Variants in ANTXR2 observed in about 807,000 individuals in gnomAD.
ANTXR2 encodes the protein ANTXR cell adhesion molecule 2.
Under a neutral mutation model 73.7 loss-of-function variants are expected in ANTXR2, and 44 were observed. The ratio of observed to expected loss-of-function variants is 0.60; its 90% confidence interval spans 0.47 to 0.77. The LOEUF is 0.77. Ranked by LOEUF, ANTXR2 falls within the 30% of genes least tolerant of loss-of-function variation. ANTXR2 has a pLI of 0.00. For missense variants in ANTXR2, 604 were observed against 592.5 expected (o/e 1.02, Z -0.20); for synonymous variants, 217 against 205.9 (o/e 1.05, Z -0.46).
intron 16 of ANTXR2, among the ~76,000 whole-genome samples, chr4:79,931,030 T>C (rs1322307638): frequency 6.6e-6 from 1 of 152,228 alleles, no homozygotes; most frequent in Non-Finnish European, 1.5e-5. Context: ...TTTTCCTAAA[T>C]AGAATTGTAA....
intron 16 of ANTXR2, among the ~76,000 whole-genome samples, chr4:79,935,996 A>G (rs1490648814): frequency 5.3e-5 from 8 of 152,210 alleles, no homozygotes; most frequent in Non-Finnish European, 1.2e-4. Flanking sequence ...GCCTGTTCCA[A>G]CAAAAGAGCA....
intron 16 of ANTXR2, among the ~76,000 whole-genome samples, chr4:79,920,314 C>T (rs1727545339): frequency 1.3e-5 from 2 of 152,052 alleles, no homozygotes; most frequent in African/African-American, 2.4e-5. Flanking sequence ...AGACGAATGG[C>T]TTCTTGTCAA....
chr4:79,947,526 G>A (rs760370618), intron 16 of ANTXR2, among the ~76,000 whole-genome samples: 5 of 152,120 alleles, frequency 3.3e-5, no homozygotes, highest in Middle Eastern at 3.2e-3. Context: ...ACCCTTTACT[G>A]TGGGTGATGT....
intron 12 of ANTXR2, among the ~76,000 whole-genome samples, chr4:79,989,368 T>C (rs1730355684): frequency 1.3e-5 from 2 of 151,870 alleles, no homozygotes; most frequent in African/African-American, 4.8e-5. Context: ...CCTTTATGCA[T>C]ACAAACTAAA....
At chr4:80,020,559 TAG>T in intron 10 of ANTXR2, among the ~76,000 whole-genome samples, 1 of 152,328 alleles carries the variant, frequency 6.6e-6, no homozygotes. Context: ...AAGTAAATAG[TAG>T]TTTCACAGTT....
rs143428951 is a variant in ANTXR2 at position 79,978,035 on chromosome 4, G to A, written c.1319C>T (p.Pro440Leu). The A allele has an allele frequency of 6.2e-7, 1 of 1,604,826 alleles. No individual in the cohort carries two copies. The highest frequency in any genetic ancestry group is 8.5e-7 in the Non-Finnish European group (1 of 1,177,076). The change falls in exon 15 of 17, where the codon CCT becomes CTT. Residue 440 changes from proline to leucine, a missense_variant. Physicochemically the swap from Pro to Leu is moderately conservative, Grantham distance 98 (BLOSUM62 -3). Coordinates refer to ENST00000403729, the MANE Select transcript of ANTXR2 (RefSeq NM_058172.6). Reference sequence around the variant, plus strand: ...AATTGGGGTGTACCATTTTGTCTGAGGAGGCTGGTGTGTGGGTTTGGGTCG... The same window carrying A: ...AATTGGGGTGTACCATTTTGTCTGAAGAGGCTGGTGTGTGGGTTTGGGTCG... Reference protein sequence around the residue: ...PPRPKPTHQPPQTKWYTPIKG... With the variant: ...PPRPKPTHQPLQTKWYTPIKG...
At chr4:79,960,058 TACTA>T (rs1297896145) in intron 16 of ANTXR2, among the ~76,000 whole-genome samples, 1 of 152,194 alleles carries the variant, frequency 6.6e-6, no homozygotes, top group Admixed American at 6.5e-5. Flanking sequence ...TTTACAGACT[TACTA>T]ACTCTTTTAG....
chr4:80,025,737 T>C (rs1241961478), intron 10 of ANTXR2, among the ~76,000 whole-genome samples: 1 of 152,216 alleles, frequency 6.6e-6, no homozygotes, highest in Non-Finnish European at 1.5e-5. Flanking sequence ...AATTAGTTTA[T>C]ATGTAAATTA....
chr4:79,993,118 T>C (rs965939860), intron 12 of ANTXR2, among the ~76,000 whole-genome samples: 5 of 152,040 alleles, frequency 3.3e-5, no homozygotes, highest in Non-Finnish European at 7.4e-5. Flanking sequence ...GAACAGGTGT[T>C]ATGTCTGCTT....
At chr4:80,039,114 A>C (rs1477710064) in intron 7 of ANTXR2, among the ~76,000 whole-genome samples, 1 of 152,114 alleles carries the variant, frequency 6.6e-6, no homozygotes, top group Non-Finnish European at 1.5e-5. Flanking sequence ...GGATAAAGTT[A>C]ATTTATGTGA....
intron 16 of ANTXR2, among the ~76,000 whole-genome samples, chr4:79,944,472 C>T: frequency 6.9e-6 from 1 of 144,618 alleles, no homozygotes; most frequent in South Asian, 2.3e-4. Context: ...TATTCTGGCA[C>T]CACACCAAAA....
Position 79,977,693 on chromosome 4 carries a change from A to G in ANTXR2, c.1356T>C (p.Leu452=). The change falls in exon 16 of 17, where the codon CTT becomes CTC. Residue 452 remains leucine, a synonymous_variant. Coordinates refer to ENST00000403729, the MANE Select transcript of ANTXR2 (RefSeq NM_058172.6). Reference sequence around the variant, plus strand: ...GCCTCAACAAAGCCCAGAGAGCATCAAGACGACCCTAAGGGAAAATGAGAT... The same window carrying G: ...GCCTCAACAAAGCCCAGAGAGCATCGAGACGACCCTAAGGGAAAATGAGAT... ...TKWYTPIKGR[L]DALWALLRRQ... is the part of the protein sequence containing the mutation. The G allele has an allele frequency of 1.3e-6, 2 of 1,576,048 alleles. No homozygotes were observed. Among genetic ancestry groups the G allele is most frequent in the East Asian group, 2.3e-5 (1 of 43,316 alleles).
At chr4:80,049,122 T>A (rs112958610) in intron 7 of ANTXR2, among the ~76,000 whole-genome samples, 2,251 of 92,416 alleles carry the variant, frequency 0.024, 52 homozygotes, top group African/African-American at 0.067. Flanking sequence ...TTCTGAGGTA[T>A]TCTTAAAAAA....
intron 16 of ANTXR2, among the ~76,000 whole-genome samples, chr4:79,945,335 A>C (rs1332249949): frequency 1.3e-5 from 2 of 152,126 alleles, no homozygotes; most frequent in East Asian, 3.8e-4. Flanking sequence ...TTCCCATTTC[A>C]ATTTCAGCTT....
chr4:79,937,002 A>G (rs535384347), intron 16 of ANTXR2, among the ~76,000 whole-genome samples: 2 of 152,304 alleles, frequency 1.3e-5, no homozygotes, highest in East Asian at 3.9e-4. Context: ...CAATCATTTT[A>G]AAGCATTTTT....
intron 14 of ANTXR2, among the ~76,000 whole-genome samples, chr4:79,983,342 A>G (rs1478999406): frequency 1.3e-5 from 2 of 152,110 alleles, no homozygotes; most frequent in Non-Finnish European, 2.9e-5. Context: ...ATTTTAATCA[A>G]CACTTTGGGC....
intron 11 of ANTXR2, among the ~76,000 whole-genome samples, chr4:80,011,104 G>T (rs1298741086): frequency 6.6e-6 from 1 of 151,818 alleles, no homozygotes; most frequent in Non-Finnish European, 1.5e-5. Context: ...CCAAGATCAT[G>T]CCACGCACTC....
At chr4:80,063,480 C>CATAT (rs138574986) in intron 3 of ANTXR2, among the ~76,000 whole-genome samples, 52 of 151,470 alleles carry the variant, frequency 3.4e-4, no homozygotes, top group Middle Eastern at 6.8e-3. Flanking sequence ...AATCAAACCA[C>CATAT]ATATATATAT....
chr4:80,042,889 A>G (rs114425031), intron 7 of ANTXR2, among the ~76,000 whole-genome samples: 2,500 of 152,110 alleles, frequency 0.016, 37 homozygotes, highest in Middle Eastern at 0.071. Flanking sequence ...CAGGGTCTCT[A>G]AAACCTTTTT....
Sources: gnomAD v4.1 joint callset for allele counts (sites outside exome capture counted in the v4.1 genomes callset) on GRCh38, gnomAD v4.1.1 for gene constraint, MANE v1.5 for transcripts, NCBI Gene and HGNC (gene_info 2026-07-23, HGNC 2026-07-21) for gene names.